The following CPEB1 variants were observed in gnomAD, a reference collection of about 807,000 sequenced individuals.
The protein encoded by CPEB1 is cytoplasmic polyadenylation element-binding protein 1.
CPEB1 carries 7 observed loss-of-function variants against 65.8 expected under a neutral mutation model. The ratio of observed to expected loss-of-function variants is 0.11; its 90% CI spans 0.06 to 0.20. The LOEUF (loss-of-function observed/expected upper bound fraction) is 0.20. Among genes scored for constraint, CPEB1 ranks in the 10% least tolerant of loss-of-function variants. The pLI, the probability that CPEB1 is intolerant of heterozygous loss-of-function variation, is 1.00. For synonymous variants in CPEB1, 262 were observed against 260.0 expected, an observed-to-expected ratio of 1.01 and a Z score of -0.08; for missense variants, 551 against 712.2, an observed-to-expected ratio of 0.77 and a Z score of 2.58.
At chr15:82,647,794 G>C (rs587671165), upstream of CPEB1, 4 of 1,253,226 alleles carry the variant, frequency 3.2e-6, no homozygotes, top group African/African-American at 1.6e-5. Flanking sequence ...GGCTGCGCGC[G>C]GACCGTTAGC....
At chr15:82,605,058 C>A (rs1476197654) in intron 3 of CPEB1, among the ~76,000 whole-genome samples, 1 of 152,046 alleles carries the variant, frequency 6.6e-6, no homozygotes, top group African/African-American at 2.4e-5. Context: ...TGATTTCTTA[C>A]CAGAAATTGT....
At chr15:82,604,414 G>A (rs1488817248) in intron 3 of CPEB1, among the ~76,000 whole-genome samples, 1 of 151,524 alleles carries the variant, frequency 6.6e-6, no homozygotes, top group Non-Finnish European at 1.5e-5. Flanking sequence ...CCCAGGAGGC[G>A]GAGCTTGCAG....
chr15:82,634,346 C>G (rs2046491514), intron 1 of CPEB1, among the ~76,000 whole-genome samples: 1 of 152,138 alleles, frequency 6.6e-6, no homozygotes, highest in Admixed American at 6.5e-5. Flanking sequence ...CTTGGCCCTG[C>G]CTTTAAATAT....
In CPEB1 at chr15:82,565,809, T is replaced by C. The variant is rs1397882343; in HGVS notation, c.460+5535A>G. ...GAGGTTTACCAAGTGCCTCCAGCTCTGGTGTCCAAGTGTCCAGCAAATTCC... is the reference window on the plus strand; with the variant it reads ...GAGGTTTACCAAGTGCCTCCAGCTCCGGTGTCCAAGTGTCCAGCAAATTCC... On this transcript the variant is annotated intron_variant, in intron 4 of 12. Coordinates refer to ENST00000684509, the MANE Select transcript of CPEB1 (RefSeq NM_001365242.1). Among the ~76,000 whole-genome samples the C allele has an allele frequency of 2.0e-5, 3 of 152,326 alleles. No homozygotes were observed. In the East Asian group the frequency reaches 5.8e-4, roughly 29 times the overall value.
intron 3 of CPEB1, among the ~76,000 whole-genome samples, chr15:82,579,002 T>C (rs1443282400): frequency 6.6e-6 from 1 of 152,046 alleles, no homozygotes; most frequent in Non-Finnish European, 1.5e-5. Flanking sequence ...TTTTGAACTT[T>C]AGTAGAGACA....
At chr15:82,641,472 T>C (rs1336645524) in intron 1 of CPEB1, among the ~76,000 whole-genome samples, 1 of 152,188 alleles carries the variant, frequency 6.6e-6, no homozygotes, top group Non-Finnish European at 1.5e-5. Context: ...TCAAAGGGGA[T>C]TGTAGGAAGT....
rs2034753599 is a variant in CPEB1, at chr15:82,544,136, G to C, written c.*456C>G. 1 of 154,792 alleles carries C rather than the reference G, an allele frequency of 6.5e-6. No homozygotes were observed. The highest frequency in any genetic ancestry group is 1.4e-5 in the Non-Finnish European group (1 of 69,702). The allele number at this position is 154,792 out of a possible 1,614,324, so 9.6% of individuals were successfully genotyped here. On this transcript the variant is annotated 3_prime_UTR_variant, in exon 13 of 13. Transcript: ENST00000684509. ...TAAATAAATGGAAAGGCACTGTATG[G>C]CAACTGCAAGAATGAAACCAATGAG...
chr15:82,596,184 A>G (rs1038605525), intron 3 of CPEB1, among the ~76,000 whole-genome samples: 10 of 152,234 alleles, frequency 6.6e-5, no homozygotes, highest in Non-Finnish European at 1.2e-4. Context: ...AAACACAATT[A>G]GGTCTAATTT....
intron 1 of CPEB1, chr15:82,629,720 T>C (rs990392871): frequency 1.0e-6 from 1 of 985,414 alleles, no homozygotes. Context: ...GACCAAGTAA[T>C]GAAACTGGCA....
chr15:82,571,718 G>T, intron 3 of CPEB1, 186 bp from the exon 4 acceptor site: 1 of 1,426,040 alleles, frequency 7.0e-7, no homozygotes, highest in Admixed American at 2.9e-5. Flanking sequence ...TTGCCATACA[G>T]GCCCCCTCCC....
intron 3 of CPEB1, among the ~76,000 whole-genome samples, chr15:82,600,921 T>G (rs1399672200): frequency 1.1e-5 from 1 of 88,034 alleles, no homozygotes; most frequent in Non-Finnish European, 2.5e-5. Flanking sequence ...TTTTTTTTTT[T>G]GGAGACAAAG....
intron 11 of CPEB1, 41 bp downstream of exon 11, chr15:82,547,102 C>G: frequency 7.1e-7 from 1 of 1,402,390 alleles, no homozygotes; most frequent in Non-Finnish European, 1.0e-6. Context: ...CCAAACCCCT[C>G]TCATATACCC....
chr15:82,593,202 G>A (rs566344490), intron 3 of CPEB1, among the ~76,000 whole-genome samples: 4 of 152,134 alleles, frequency 2.6e-5, no homozygotes, highest in Non-Finnish European at 4.4e-5. Context: ...AGATTTCTCT[G>A]TATCATGTGA....
At chr15:82,590,423 G>C (rs925833255) in intron 3 of CPEB1, among the ~76,000 whole-genome samples, 11 of 152,022 alleles carry the variant, frequency 7.2e-5, no homozygotes, top group African/African-American at 2.7e-4. Flanking sequence ...ATCCCCAAAA[G>C]AAACCTGTAT....
intron 10 of CPEB1, 120 bp from the exon 11 acceptor site, chr15:82,547,357 C>G (rs556449821): frequency 1.7e-6 from 1 of 589,240 alleles, no homozygotes; most frequent in Admixed American, 3.3e-5. Flanking sequence ...TGTGCAGTGG[C>G]GCAATCTCTG....
At chr15:82,607,523 G>A (rs986392312) in intron 3 of CPEB1, among the ~76,000 whole-genome samples, 4 of 152,200 alleles carry the variant, frequency 2.6e-5, no homozygotes, top group African/African-American at 9.6e-5. Context: ...GGAAGCAGAA[G>A]TTGCAGTGAG....
At position 82,544,599 on chromosome 15, in the gene CPEB1, G is replaced by A. The variant is rs1383593068; in HGVS notation, c.1760C>T (p.Ser587Phe). ...PLMRNQKNRD[S>F]S is the part of the protein sequence containing the mutation. ...TGGGCAAGGCCAGCTCCTCTAGCTG[G>A]AATCTCGGTTCTTCTGGTTCCGCAT... The change falls in exon 13 of 13, where the codon TCC (serine) becomes TTC (phenylalanine). Residue 587 changes from serine to phenylalanine, a missense_variant. This residue lies in a region of CPEB1 where 98 missense variants were observed against 157.6 expected (regional missense o/e 0.62). Transcript: ENST00000684509. 1.2e-6 allele frequency: 2 copies of A among 1,612,512 alleles called. No individual in the cohort carries two copies. The highest frequency in any genetic ancestry group is 3.3e-5 in the Admixed American group (2 of 60,018).
At chr15:82,590,152 T>C (rs1429040893) in intron 3 of CPEB1, among the ~76,000 whole-genome samples, 1 of 146,386 alleles carries the variant, frequency 6.8e-6, no homozygotes. Context: ...AGTTTATTAG[T>C]GTTGACTAAA....
chr15:82,626,063 T>G (rs948864535), intron 3 of CPEB1, among the ~76,000 whole-genome samples: 3 of 151,338 alleles, frequency 2.0e-5, no homozygotes, highest in Non-Finnish European at 4.4e-5. Flanking sequence ...GAGGTTACAG[T>G]GAGCTGAGAT....
Sources: allele counts gnomAD v4.1 joint callset (sites outside exome capture counted in the v4.1 genomes callset), GRCh38; gene constraint gnomAD v4.1.1; regional missense constraint gnomAD v4.1.1; transcripts MANE v1.5; gene names NCBI Gene and HGNC (gene_info 2026-07-23, HGNC 2026-07-21).